The following HIP1 variants were observed in gnomAD, a reference collection of about 807,000 sequenced individuals.
The protein encoded by HIP1 is huntingtin interacting protein 1.
HIP1 carries 65 observed loss-of-function variants against 147.6 expected under a neutral mutation model. The observed-to-expected ratio is 0.44, with a 90% CI of 0.36 to 0.54. HIP1 has a LOEUF of 0.54. Ranked by LOEUF, HIP1 falls within the 20% of genes least tolerant of loss-of-function variation. The pLI, the probability that HIP1 is intolerant of heterozygous loss-of-function variation, is 0.00. For missense variants in HIP1, 1,061 were observed against 1,299.6 expected, an observed-to-expected ratio of 0.82 and a Z score of 2.82; for synonymous variants, 479 against 504.0, an observed-to-expected ratio of 0.95 and a Z score of 0.67.
intron 1 of HIP1, among the ~76,000 whole-genome samples, chr7:75,700,022 T>G (rs1800772036): frequency 6.6e-6 from 1 of 152,100 alleles, no homozygotes; most frequent in Non-Finnish European, 1.5e-5. Context: ...GGCTAATATT[T>G]GTATTTTTAG....
intron 22 of HIP1, among the ~76,000 whole-genome samples, chr7:75,549,619 C>T (rs1224173583): frequency 6.6e-6 from 1 of 151,892 alleles, no homozygotes; most frequent in Non-Finnish European, 1.5e-5. Context: ...ATCCTCCTGC[C>T]TCAGCCTCCC....
At chr7:75,557,588 C>T (rs1000425903) in intron 16 of HIP1, 66 bp downstream of exon 16, 3 of 1,216,092 alleles carry the variant, frequency 2.5e-6, no homozygotes, top group Admixed American at 3.4e-5. Context: ...CAGAAGGCCA[C>T]AAAGCCCCCG....
chr7:75,566,387 G>A (rs1257929454), intron 9 of HIP1, among the ~76,000 whole-genome samples: 8 of 151,492 alleles, frequency 5.3e-5, no homozygotes, highest in Non-Finnish European at 1.2e-4. Flanking sequence ...TCCTTGCAGC[G>A]CAGGGCTACT....
At chr7:75,610,858 A>T (rs917545469) in intron 1 of HIP1, among the ~76,000 whole-genome samples, 1 of 147,344 alleles carries the variant, frequency 6.8e-6, no homozygotes. Context: ...ATATATATAT[A>T]TTTATATATA....
chr7:75,570,551 A>T (rs1554496427), intron 8 of HIP1, among the ~76,000 whole-genome samples: 1 of 150,814 alleles, frequency 6.6e-6, no homozygotes, highest in Non-Finnish European at 1.5e-5. Flanking sequence ...TCGGCCTCCC[A>T]AAGTGCTGGG....
At chr7:75,637,379 T>C (rs1798458365) in intron 1 of HIP1, among the ~76,000 whole-genome samples, 1 of 152,076 alleles carries the variant, frequency 6.6e-6, no homozygotes, top group South Asian at 2.1e-4. Context: ...TGATTCGGTT[T>C]AGTGGCCATT....
chr7:75,585,287 C>T (rs901377138), intron 5 of HIP1, among the ~76,000 whole-genome samples: 3 of 151,772 alleles, frequency 2.0e-5, no homozygotes, highest in East Asian at 1.9e-4. Flanking sequence ...CAGGTTCAAG[C>T]GATTCTCCTG....
rs117235358 is a variant in HIP1 at position 75,611,657 on chromosome 7, G to A, written c.121-12410C>T. ...CCAAGGGCGGGCAGTGCGGGGCTGG[G>A]TGTCTCACCTCTGGAGGGGGCTCTG... On this transcript the variant is annotated intron_variant, in intron 1 of 30. Coordinates refer to ENST00000336926, the MANE Select transcript of HIP1 (RefSeq NM_005338.7). 7.8e-6 allele frequency: 8 copies of A among 1,021,422 alleles called. No individual in the cohort carries two copies. The African/African-American group carries it at 1.0e-4, about 13-fold the overall frequency. 63.3% of individuals were successfully genotyped at this position (1,021,422 alleles called of 1,614,324 possible).
Position 75,535,220 on chromosome 7 carries a change from T to C in HIP1, c.*2952A>G, listed in dbSNP as rs1272483656. On this transcript the variant is annotated 3_prime_UTR_variant, in exon 31 of 31. Coordinates refer to ENST00000336926, the MANE Select transcript of HIP1 (RefSeq NM_005338.7). ...AGTTTTTAAACATTTCTGTGGCTTC[T>C]TTTTAGAGACAGGATCATTCAGATA... 4.7e-6 allele frequency: 1 copy of C among 211,608 alleles called. No individual in the cohort carries two copies. Among genetic ancestry groups the C allele is most frequent in the Middle Eastern group, 1.5e-3 (1 of 674 alleles). The allele number at this position is 211,608 out of a possible 1,614,324, so 13.1% of individuals were successfully genotyped here.
intron 1 of HIP1, among the ~76,000 whole-genome samples, chr7:75,676,263 A>G (rs782796404): frequency 2.0e-5 from 3 of 152,144 alleles, no homozygotes; most frequent in Non-Finnish European, 4.4e-5. Context: ...CTTGGAACCA[A>G]CACATCTACT....
At chr7:75,576,479 T>C (rs1554497730) in intron 7 of HIP1, among the ~76,000 whole-genome samples, 1 of 152,198 alleles carries the variant, frequency 6.6e-6, no homozygotes, top group East Asian at 1.9e-4. Flanking sequence ...CCCAGCACTT[T>C]GGGAGGCTGA....
In HIP1 at chr7:75,584,909, C is replaced by A. The variant is rs188250514; in HGVS notation, c.465+1844G>T. On this transcript the variant is annotated intron_variant, in intron 5 of 30. Coordinates refer to ENST00000336926, the MANE Select transcript of HIP1 (RefSeq NM_005338.7). ...TGTCACCCAGGCTGGAGTGCAGTGG[C>A]GCCATCTCGGCTCACTGCAACCTCC... 5.3e-5 allele frequency among the ~76,000 whole-genome samples: 8 copies of A among 150,624 alleles called. No homozygotes were observed. In the East Asian group the frequency reaches 1.6e-3, roughly 29 times the overall value.
At chr7:75,564,241 C>T (rs1336613110) in intron 9 of HIP1, among the ~76,000 whole-genome samples, 3 of 152,146 alleles carry the variant, frequency 2.0e-5, no homozygotes, top group East Asian at 3.8e-4. Context: ...AATCTAAACA[C>T]TGAAGACCAA....
chr7:75,548,614 C>T (rs1554491482), intron 23 of HIP1, among the ~76,000 whole-genome samples: 1 of 151,784 alleles, frequency 6.6e-6, no homozygotes, highest in African/African-American at 2.4e-5. Context: ...GTAGCTGGGA[C>T]TATAAGCATG....
intron 1 of HIP1, among the ~76,000 whole-genome samples, chr7:75,657,795 T>A (rs1230304911): frequency 6.6e-6 from 1 of 152,040 alleles, no homozygotes; most frequent in Admixed American, 6.6e-5. Flanking sequence ...ATATTGGGTA[T>A]TATATGGGCG....
chr7:75,647,075 C>G (rs1554511208), intron 1 of HIP1, among the ~76,000 whole-genome samples: 1 of 151,760 alleles, frequency 6.6e-6, no homozygotes, highest in African/African-American at 2.4e-5. Flanking sequence ...CAAAACTGTG[C>G]GTGGACATGG....
At chr7:75,587,169 G>A (rs1554499783) in intron 4 of HIP1, among the ~76,000 whole-genome samples, 1 of 152,124 alleles carries the variant, frequency 6.6e-6, no homozygotes, top group Non-Finnish European at 1.5e-5. Flanking sequence ...TCAAACTCCT[G>A]GCCTTGAGTG....
rs587655379 is a variant in HIP1, at chr7:75,611,146, G to A, written c.121-11899C>T. Among the ~76,000 whole-genome samples, 3 of 151,066 alleles carry A rather than the reference G, an allele frequency of 2.0e-5. No homozygotes were observed. The South Asian group carries it at 6.2e-4, about 31-fold the overall frequency. On this transcript the variant is annotated intron_variant, in intron 1 of 30. Transcript: ENST00000336926. Reference sequence around the variant, plus strand: ...GTTGGCTAGGCTGGTCTTGAACTGCGCCTGTTCTATAAAATTTTTTTAGAA... The same window carrying A: ...GTTGGCTAGGCTGGTCTTGAACTGCACCTGTTCTATAAAATTTTTTTAGAA...
At chr7:75,687,670 G>A (rs1473792065) in intron 1 of HIP1, among the ~76,000 whole-genome samples, 7 of 152,172 alleles carry the variant, frequency 4.6e-5, no homozygotes, top group Admixed American at 4.6e-4. Context: ...CAGCCTGGGA[G>A]ACAAGAGCGG....
Sources: gnomAD v4.1 joint callset for allele counts (sites outside exome capture counted in the v4.1 genomes callset) on GRCh38, gnomAD v4.1.1 for gene constraint, MANE v1.5 for transcripts, NCBI Gene and HGNC (gene_info 2026-07-23, HGNC 2026-07-21) for gene names.